The following GBE1 variants were observed in gnomAD, a reference collection of about 807,000 sequenced individuals.
GBE1 encodes 1,4-alpha-glucan branching enzyme 1.
In GBE1, 70 loss-of-function variants were observed where a neutral mutation model predicts 88.8. The observed-to-expected ratio is 0.79, with a 90% CI of 0.65 to 0.96. GBE1 has a LOEUF of 0.96. GBE1 is among the 40% of genes least tolerant of loss of function. The pLI is 0.00. For synonymous variants in GBE1, 284 were observed against 300.1 expected (o/e 0.95, Z 0.56); for missense variants, 872 against 871.0 (o/e 1.00, Z -0.01).
intron 7 of GBE1, among the ~76,000 whole-genome samples, chr3:81,622,144 C>T (rs996206789): frequency 6.6e-6 from 1 of 152,170 alleles, no homozygotes; most frequent in African/African-American, 2.4e-5. Context: ...TCTACACTTG[C>T]TGCCTTCACT....
At chr3:81,672,810 A>G (rs1008353738) in intron 2 of GBE1, among the ~76,000 whole-genome samples, 2 of 151,946 alleles carry the variant, frequency 1.3e-5, no homozygotes, top group East Asian at 1.9e-4. Flanking sequence ...TGGGTCGCTA[A>G]GACATTACAT....
intron 6 of GBE1, among the ~76,000 whole-genome samples, chr3:81,644,158 C>CA (rs1269633029): frequency 6.6e-6 from 1 of 151,874 alleles, no homozygotes; most frequent in Non-Finnish European, 1.5e-5. Context: ...TCTGGAGATA[C>CA]ACCAGCGAAA....
intron 1 of GBE1, among the ~76,000 whole-genome samples, chr3:81,717,368 T>C (rs1489015806): frequency 6.6e-6 from 1 of 152,186 alleles, no homozygotes; most frequent in Admixed American, 6.5e-5. Context: ...TGCACAGTAG[T>C]ATGCTCCTGA....
At chr3:81,524,167 C>T (rs1702911538) in intron 14 of GBE1, among the ~76,000 whole-genome samples, 1 of 151,718 alleles carries the variant, frequency 6.6e-6, no homozygotes, top group South Asian at 2.1e-4. Flanking sequence ...ATCGTTACTG[C>T]CTGTCTTTTG....
chr3:81,543,211 T>C (rs1376527620), intron 12 of GBE1, among the ~76,000 whole-genome samples: 1 of 152,068 alleles, frequency 6.6e-6, no homozygotes, highest in Non-Finnish European at 1.5e-5. Flanking sequence ...ACATTTAGAT[T>C]TTCTGAAAAT....
intron 1 of GBE1, among the ~76,000 whole-genome samples, chr3:81,734,114 C>A (rs1174416911): frequency 6.6e-6 from 1 of 152,096 alleles, no homozygotes; most frequent in Non-Finnish European, 1.5e-5. Context: ...AACTTTTATT[C>A]TTACTTTTAT....
At chr3:81,521,541 A>G (rs1702874357) in intron 14 of GBE1, among the ~76,000 whole-genome samples, 1 of 151,658 alleles carries the variant, frequency 6.6e-6, no homozygotes, top group South Asian at 2.1e-4. Flanking sequence ...GTACAAGAAT[A>G]AAGTCAGAAA....
intron 12 of GBE1, among the ~76,000 whole-genome samples, chr3:81,538,767 C>T (rs771322131): frequency 4.6e-5 from 7 of 151,978 alleles, no homozygotes; most frequent in Non-Finnish European, 7.4e-5. Flanking sequence ...CAAGGACTAG[C>T]GGGATTTTAA....
At chr3:81,651,539 C>CCAAT (rs2107078480) in intron 3 of GBE1, among the ~76,000 whole-genome samples, 1 of 152,016 alleles carries the variant, frequency 6.6e-6, no homozygotes, top group East Asian at 1.9e-4. Flanking sequence ...ATCAATAAGA[C>CCAAT]CAATCTATTT....
At chr3:81,660,373 T>C (rs1576189434) in intron 3 of GBE1, among the ~76,000 whole-genome samples, 1 of 152,172 alleles carries the variant, frequency 6.6e-6, no homozygotes. Flanking sequence ...TAAACATAAA[T>C]GCCCCCATCT....
At chr3:81,536,309 T>A in intron 13 of GBE1, among the ~76,000 whole-genome samples, 1 of 151,954 alleles carries the variant, frequency 6.6e-6, no homozygotes, top group East Asian at 1.9e-4. Flanking sequence ...GAAGACATAT[T>A]ATATGTTAAC....
Position 81,750,577 on chromosome 3 carries a change from GTA to G in GBE1, c.143+10796_143+10797del, listed in dbSNP as rs199515105. Among the ~76,000 whole-genome samples, 10 of 35,218 alleles carry G rather than the reference GTA, an allele frequency of 2.8e-4. 1 individual carries two copies. The highest frequency in any genetic ancestry group is 9.8e-4 in the African/African-American group (5 of 5,082). 23.1% of individuals were successfully genotyped at this position (35,218 alleles called of 152,430 possible). A position where few individuals can be genotyped will look rare whatever the true frequency, so the allele number is the denominator to read the frequency against. ...TATATATATATGTATATATATATAC[GTA>G]TATATATACGTATATATATATGTGT... On this transcript the variant is annotated intron_variant, in intron 1 of 15. Transcript: ENST00000429644.
At chr3:81,748,601 G>A (rs998016100) in intron 1 of GBE1, among the ~76,000 whole-genome samples, 5 of 151,612 alleles carry the variant, frequency 3.3e-5, no homozygotes, top group African/African-American at 9.7e-5. Context: ...ATAGAGCAAG[G>A]AGACTCTGTC....
intron 3 of GBE1, among the ~76,000 whole-genome samples, chr3:81,658,527 C>G (rs1026464693): frequency 6.6e-6 from 1 of 152,064 alleles, no homozygotes; most frequent in Admixed American, 6.6e-5. Flanking sequence ...GAAACCAGGT[C>G]CTGACTTAGA....
chr3:81,739,065 C>T (rs1706313135), intron 1 of GBE1, among the ~76,000 whole-genome samples: 1 of 152,072 alleles, frequency 6.6e-6, no homozygotes, highest in Admixed American at 6.6e-5. Flanking sequence ...CTTCTTCGTG[C>T]CTCTCTTATA....
At chr3:81,697,263 C>G (rs1038373654) in intron 2 of GBE1, among the ~76,000 whole-genome samples, 1 of 151,496 alleles carries the variant, frequency 6.6e-6, no homozygotes, top group East Asian at 1.9e-4. Flanking sequence ...GACAAAGACA[C>G]GCATAGGGTA....
At chr3:81,714,065 G>C (rs1322711812) in intron 1 of GBE1, among the ~76,000 whole-genome samples, 1 of 152,314 alleles carries the variant, frequency 6.6e-6, no homozygotes, top group South Asian at 2.1e-4. Flanking sequence ...AACCAGAAAA[G>C]AGAATGTAAT....
chr3:81,578,085 C>A lies in GBE1; in HGVS notation c.1458G>T (p.Gly486=), dbSNP rs1294584674. 2 of 1,599,674 alleles carry A rather than the reference C, an allele frequency of 1.3e-6. No individual in the cohort carries two copies. The highest frequency in any genetic ancestry group is 1.7e-5 in the Admixed American group (1 of 57,752). Residue 486 remains glycine, a synonymous_variant, in exon 12 of 16, where the codon GGG becomes GGT. Coordinates refer to ENST00000429644, the MANE Select transcript of GBE1 (RefSeq NM_000158.4). ...TCAACCAAAATGCCAGCGACTTATC[C>A]CCAACCAATGCCTACAGAAATAAAA... ...YAESHDQALV[G]DKSLAFWLMD...
At chr3:81,493,640 C>T (rs1282581903) in intron 15 of GBE1, among the ~76,000 whole-genome samples, 1 of 151,584 alleles carries the variant, frequency 6.6e-6, no homozygotes, top group Non-Finnish European at 1.5e-5. Context: ...TCAAGTGATT[C>T]TCCTGCCTCA....
Sources: gnomAD v4.1 joint callset for allele counts (sites outside exome capture counted in the v4.1 genomes callset) on GRCh38, gnomAD v4.1.1 for gene constraint, MANE v1.5 for transcripts, NCBI Gene and HGNC (gene_info 2026-07-23, HGNC 2026-07-21) for gene names.